Variants in TCF12 observed in about 807,000 individuals in gnomAD.
The protein encoded by TCF12 is transcription factor 12.
TCF12 carries 45 observed loss-of-function variants against 86.0 expected under a neutral mutation model. The observed-to-expected ratio is 0.52, with a 90% CI of 0.41 to 0.67. The LOEUF (loss-of-function observed/expected upper bound fraction) is 0.67, where lower values mean the gene tolerates loss of function less well. Ranked by LOEUF, TCF12 falls within the 30% of genes least tolerant of loss-of-function variation. TCF12 has a pLI of 0.00. For missense variants in TCF12, 881 were observed against 859.9 expected, an observed-to-expected ratio of 1.02 and a Z score of -0.31; for synonymous variants, 330 against 299.6, an observed-to-expected ratio of 1.10 and a Z score of -1.05.
At chr15:57,075,758 T>TTTTTC (rs2069839574) in intron 4 of TCF12, among the ~76,000 whole-genome samples, 8 of 91,224 alleles carry the variant, frequency 8.8e-5, no homozygotes, top group African/African-American at 2.9e-4. Flanking sequence ...ATGAGGTTTC[T>TTTTTC]TTTCTTTCTT....
intron 8 of TCF12, among the ~76,000 whole-genome samples, chr15:57,208,833 A>G (rs1054878366): frequency 1.3e-5 from 2 of 151,944 alleles, no homozygotes; most frequent in African/African-American, 4.8e-5. Context: ...CTCCCACCTC[A>G]GCCTCCTGAG....
Position 57,279,161 on chromosome 15 carries a change from A to G in TCF12, c.1979-3284A>G, listed in dbSNP as rs570378688. Among the ~76,000 whole-genome samples the G allele has an allele frequency of 1.4e-4, 21 of 151,844 alleles. No homozygotes were observed. In the East Asian group the frequency reaches 4.1e-3, roughly 30 times the overall value. On this transcript the variant is annotated intron_variant, in intron 19 of 20. Transcript: ENST00000333725. ...AGGTGGGTACCAGCACACCTGGCTA[A>G]TTTTTAAATTTTTGTAGAGACAGGG...
At position 57,197,152 on chromosome 15, in the gene TCF12, C is replaced by CTTTTTTTTTTTTTTTTTTTTTT. The variant is rs138145337; in HGVS notation, c.527-600_527-599insTTTTTTTTTTTTTTTTTTTTTT. Among the ~76,000 whole-genome samples the CTTTTTTTTTTTTTTTTTTTTTT allele has an allele frequency of 1.8e-4, 16 of 87,254 alleles. 1 individual carries two copies. The highest frequency in any genetic ancestry group is 2.3e-4 in the Non-Finnish European group (11 of 47,230). The allele number at this position is 87,254 out of a possible 152,430, so 57.2% of individuals were successfully genotyped here. On this transcript the variant is annotated intron_variant, in intron 7 of 20. Coordinates refer to ENST00000333725, the MANE Select transcript of TCF12 (RefSeq NM_207037.2). Reference sequence around the variant, plus strand: ...TATAGTACCTGGCACAGAACAGCTTCTTTTTTTTTTTTTTTTTTTTTGAGA... The same window carrying CTTTTTTTTTTTTTTTTTTTTTT: ...TATAGTACCTGGCACAGAACAGCTTCTTTTTTTTTTTTTTTTTTTTTTTTTTTTTTTTTTTTTTTTTTTGAGA...
In TCF12 at chr15:57,232,764, C is replaced by T. The variant is rs1160849920; in HGVS notation, c.878C>T (p.Pro293Leu). 1.9e-6 allele frequency: 3 copies of T among 1,612,204 alleles called. No individual in the cohort carries two copies. The highest frequency in any genetic ancestry group is 1.7e-6 in the Non-Finnish European group (2 of 1,179,190). The change falls in exon 11 of 21, where the codon CCA becomes CTA. Residue 293 changes from proline to leucine, a missense_variant. By Grantham distance (98) the Pro-to-Leu change is moderately conservative. This residue lies in a region of TCF12 where 766 missense variants were observed against 718.9 expected (regional missense o/e 1.07). Transcript: ENST00000333725. ...SPTDINTSLP[P>L]MSSFHRGSTS... Reference sequence around the variant, plus strand: ...ACAGACATAAACACGAGTCTTCCACCAATGTCCAGCTTTCATCGCGGCAGT... The same window carrying T: ...ACAGACATAAACACGAGTCTTCCACTAATGTCCAGCTTTCATCGCGGCAGT...
At chr15:57,025,855 A>G (rs2065795196) in intron 3 of TCF12, among the ~76,000 whole-genome samples, 1 of 152,202 alleles carries the variant, frequency 6.6e-6, no homozygotes, top group African/African-American at 2.4e-5. Flanking sequence ...TTCCTTTGTA[A>G]TCTTCGCTGA....
chr15:57,183,628 C>T (rs555884284), intron 6 of TCF12, among the ~76,000 whole-genome samples: 4 of 152,102 alleles, frequency 2.6e-5, no homozygotes, highest in Non-Finnish European at 5.9e-5. Flanking sequence ...ATAAAAATAT[C>T]ATTCGTCTCA....
At chr15:56,950,350 T>A (rs2061209392) in intron 3 of TCF12, among the ~76,000 whole-genome samples, 1 of 152,000 alleles carries the variant, frequency 6.6e-6, no homozygotes, top group Non-Finnish European at 1.5e-5. Context: ...CTTAGCCTCC[T>A]GAGTAGCTGG....
intron 3 of TCF12, among the ~76,000 whole-genome samples, chr15:57,032,786 A>G (rs1430693729): frequency 6.6e-6 from 1 of 152,222 alleles, no homozygotes; most frequent in Non-Finnish European, 1.5e-5. Flanking sequence ...TGTCAAGGAT[A>G]TAATCCAAAG....
intron 3 of TCF12, among the ~76,000 whole-genome samples, chr15:56,980,709 A>G (rs2062848425): frequency 1.3e-5 from 2 of 152,182 alleles, no homozygotes; most frequent in African/African-American, 4.8e-5. Context: ...TTGTCATGTC[A>G]TCTGTGCACA....
intron 6 of TCF12, among the ~76,000 whole-genome samples, chr15:57,184,855 C>T (rs528976687): frequency 2.5e-4 from 38 of 152,298 alleles, no homozygotes; most frequent in African/African-American, 8.7e-4. Flanking sequence ...ATAACACCAT[C>T]AGAAAATTCA....
chr15:57,243,361 C>T, intron 12 of TCF12, 111 bp from the exon 13 acceptor site: 1 of 860,528 alleles, frequency 1.2e-6, no homozygotes, highest in Non-Finnish European at 1.8e-6. Flanking sequence ...TTTTTTCACT[C>T]TGAAGTCTTA....
At chr15:57,122,114 A>C (rs74320170) in intron 5 of TCF12, among the ~76,000 whole-genome samples, 3 of 148,632 alleles carry the variant, frequency 2.0e-5, no homozygotes, top group African/African-American at 4.9e-5. Flanking sequence ...AAAAAAAAAA[A>C]CCACCCCCAA....
chr15:57,235,486 A>G (rs1163339706), intron 12 of TCF12, among the ~76,000 whole-genome samples: 3 of 152,244 alleles, frequency 2.0e-5, no homozygotes, highest in Non-Finnish European at 2.9e-5. Context: ...ACTGCTGCAT[A>G]CATCCAGAAA....
intron 3 of TCF12, among the ~76,000 whole-genome samples, chr15:57,035,263 G>A (rs1197599875): frequency 1.3e-5 from 2 of 152,038 alleles, no homozygotes; most frequent in African/African-American, 2.4e-5. Flanking sequence ...AAAGAGTAAT[G>A]TTATCTTATT....
chr15:57,232,454 G>T (rs1340899181), intron 10 of TCF12, 24 bp downstream of exon 10: 1 of 1,571,200 alleles, frequency 6.4e-7, no homozygotes, highest in African/African-American at 1.4e-5. Flanking sequence ...CGTGACTAGG[G>T]TACAGCAACA....
intron 8 of TCF12, among the ~76,000 whole-genome samples, chr15:57,205,535 A>G (rs1386382827): frequency 1.3e-5 from 2 of 152,220 alleles, no homozygotes; most frequent in Non-Finnish European, 2.9e-5. Flanking sequence ...GGGCTGTTAG[A>G]TGAGGTATCT....
intron 8 of TCF12, among the ~76,000 whole-genome samples, chr15:57,203,199 C>T (rs2057640630): frequency 6.6e-6 from 1 of 152,152 alleles, no homozygotes; most frequent in Non-Finnish European, 1.5e-5. Context: ...GAATCAAATC[C>T]GGCTGCCCCT....
At chr15:57,183,148 T>A (rs2056458681) in intron 6 of TCF12, among the ~76,000 whole-genome samples, 1 of 152,184 alleles carries the variant, frequency 6.6e-6, no homozygotes, top group Non-Finnish European at 1.5e-5. Context: ...ACTTTTTATT[T>A]TGAAAAGTTA....
chr15:57,069,928 TA>T (rs1471114340), intron 4 of TCF12, among the ~76,000 whole-genome samples: 1 of 152,232 alleles, frequency 6.6e-6, no homozygotes, highest in Non-Finnish European at 1.5e-5. Flanking sequence ...GCTTGAGCAT[TA>T]AAATCAAGCT....
Sources: allele counts gnomAD v4.1 joint callset (sites outside exome capture counted in the v4.1 genomes callset), GRCh38; gene constraint gnomAD v4.1.1; regional missense constraint gnomAD v4.1.1; transcripts MANE v1.5; gene names NCBI Gene and HGNC (gene_info 2026-07-23, HGNC 2026-07-21).